LINC00632: variants seen among roughly 807,000 people sequenced by gnomAD.
The protein encoded by LINC00632 is long independently transcribed non-coding RNA 632.
At chrX:140,731,556 C>G (rs1274596910) in intron 2 of LINC00632, among the ~76,000 whole-genome samples, 3 of 111,873 alleles carry the variant, frequency 2.7e-5, no homozygotes, top group Admixed American at 9.6e-5. Context: ...TGATGGTGTT[C>G]CCTGCCTTCG....
At chrX:140,724,818 ACACACGCACACATTC>A (rs1352542010) in intron 2 of LINC00632, among the ~76,000 whole-genome samples, 1 of 63,386 alleles carries the variant, frequency 1.6e-5, no homozygotes, top group Admixed American at 1.8e-4. Flanking sequence ...CATTCCATAC[ACACACGCACACATTC>A]CACACGCACA....
At chrX:140,741,251 C>T (rs1473627802) in intron 3 of LINC00632, among the ~76,000 whole-genome samples, 1 of 112,137 alleles carries the variant, frequency 8.9e-6, no homozygotes, top group Non-Finnish European at 1.9e-5. Context: ...TTGGAGCCTA[C>T]GTGGCAAGCA....
At chrX:140,734,923 G>A (rs1193657329) in intron 3 of LINC00632, among the ~76,000 whole-genome samples, 3 of 108,664 alleles carry the variant, frequency 2.8e-5, no homozygotes, top group South Asian at 4.1e-4. Flanking sequence ...CACCACGCCC[G>A]GCTAATTTTT....
exon 5 of LINC00632, chrX:140,783,629 GTCAA>G (rs1569357727): frequency 1.7e-6 from 2 of 1,209,728 alleles, no homozygotes; most frequent in Non-Finnish European, 2.2e-6. Flanking sequence ...AGGTCTTCCA[GTCAA>G]TCAGTGTCTT....
At chrX:140,762,222 A>AGAGAGAGAGG (rs1556027008) in intron 3 of LINC00632, among the ~76,000 whole-genome samples, 2 of 46,791 alleles carry the variant, frequency 4.3e-5, no homozygotes, top group South Asian at 3.2e-3. Flanking sequence ...AGAGAGAGAG[A>AGAGAGAGAGG]GAGAGAGAGA....
chrX:140,781,755 G>A (rs1235616746), exon 5 of LINC00632, among the ~76,000 whole-genome samples: 1 of 111,729 alleles, frequency 9.0e-6, no homozygotes, highest in Non-Finnish European at 1.9e-5. Context: ...TTGGGCCAAT[G>A]CAGCCCAACC....
intron 3 of LINC00632, among the ~76,000 whole-genome samples, chrX:140,764,158 C>T (rs1483315901): frequency 4.5e-5 from 5 of 110,553 alleles, no homozygotes; most frequent in African/African-American, 9.9e-5. Flanking sequence ...TTTAATTTGC[C>T]TCGTGACTTT....
rs759199370 is a variant in LINC00632 at position 140,757,082 on chromosome X, T to C, written n.192-14996T>C. Among the ~76,000 whole-genome samples, 1,027 of 110,896 alleles carry C rather than the reference T, an allele frequency of 9.3e-3. 4 individuals carry two copies. Among genetic ancestry groups the C allele is most frequent in the Non-Finnish European group, 0.015 (811 of 53,082 alleles). On this transcript the variant is annotated intron_variant and non_coding_transcript_variant, in intron 3 of 4. Transcript: ENST00000648200. ...CGTTTTTGACAATAGAACTGCCAAT[T>C]AATCAGTGGCAGACGAGAGAAGAAT... is the stretch of plus-strand genomic sequence containing the variant.
chrX:140,767,340 T>C (rs1415760706), intron 3 of LINC00632, among the ~76,000 whole-genome samples: 5 of 111,746 alleles, frequency 4.5e-5, no homozygotes, highest in African/African-American at 1.6e-4. Context: ...GAACAGTGCC[T>C]GGCCCAGAAA....
intron 2 of LINC00632, among the ~76,000 whole-genome samples, chrX:140,719,602 T>C (rs1317303386): frequency 9.3e-6 from 1 of 107,023 alleles, no homozygotes; most frequent in Non-Finnish European, 1.9e-5. Flanking sequence ...GGCCTCAGTC[T>C]CTCCTTTTAA....
At chrX:140,759,520 C>A (rs1347081698) in intron 3 of LINC00632, among the ~76,000 whole-genome samples, 2 of 107,919 alleles carry the variant, frequency 1.9e-5, no homozygotes, top group African/African-American at 6.9e-5. Context: ...CCATGCCTAG[C>A]TAATTAAATT....
At chrX:140,757,528 C>T (rs1032037014) in intron 3 of LINC00632, among the ~76,000 whole-genome samples, 6 of 111,352 alleles carry the variant, frequency 5.4e-5, no homozygotes, top group African/African-American at 1.6e-4. Flanking sequence ...AGCTCCAGTT[C>T]AGATGCTTAT....
intron 3 of LINC00632, among the ~76,000 whole-genome samples, chrX:140,740,840 T>C (rs1011988837): frequency 6.2e-5 from 7 of 112,178 alleles, no homozygotes; most frequent in Non-Finnish European, 1.1e-4. Flanking sequence ...CAAAAGGAGA[T>C]ACTTGCCAGT....
intron 3 of LINC00632, among the ~76,000 whole-genome samples, chrX:140,759,490 G>A (rs775502426): frequency 9.1e-6 from 1 of 109,711 alleles, no homozygotes; most frequent in South Asian, 4.0e-4. Flanking sequence ...CAGAGAAGCT[G>A]GGACTACAGG....
At chrX:140,713,292 G>A (rs924783972) in intron 2 of LINC00632, among the ~76,000 whole-genome samples, 3 of 110,007 alleles carry the variant, frequency 2.7e-5, no homozygotes, top group Non-Finnish European at 5.7e-5. Context: ...AAGGTTTGAG[G>A]CCACCGATGC....
intron 2 of LINC00632, among the ~76,000 whole-genome samples, chrX:140,724,037 C>CAT: frequency 1.5e-5 from 1 of 66,360 alleles, no homozygotes; most frequent in African/African-American, 5.0e-5. Context: ...ATTCCATACA[C>CAT]ACACACATTC....
intron 3 of LINC00632, among the ~76,000 whole-genome samples, chrX:140,735,439 T>C (rs1237580685): frequency 8.9e-6 from 1 of 112,030 alleles, no homozygotes; most frequent in African/African-American, 3.2e-5. Flanking sequence ...ATAACTATTA[T>C]ATGTTATATT....
At chrX:140,725,044 G>C (rs199776141) in intron 2 of LINC00632, among the ~76,000 whole-genome samples, 16 of 11,261 alleles carry the variant, frequency 1.4e-3, no homozygotes, top group Admixed American at 4.0e-3. Flanking sequence ...CACACACACA[G>C]AATCATTCCA....
chrX:140,768,876 A>G (rs1190675734), intron 3 of LINC00632, among the ~76,000 whole-genome samples: 1 of 105,820 alleles, frequency 9.5e-6, no homozygotes, highest in Non-Finnish European at 1.9e-5. Flanking sequence ...ATATTAGTAT[A>G]GGACCTAGTT....
Sources: gnomAD v4.1 joint callset for allele counts (sites outside exome capture counted in the v4.1 genomes callset) on GRCh38, gnomAD v4.1.1 for gene constraint, MANE v1.5 for transcripts, NCBI Gene and HGNC (gene_info 2026-07-23, HGNC 2026-07-21) for gene names.